LRP1B: variants seen among roughly 807,000 people sequenced by gnomAD.
The protein encoded by LRP1B is LDL receptor related protein 1B, also known as low-density lipoprotein receptor-related protein 1B.
In LRP1B, 217 loss-of-function variants were observed where a neutral mutation model predicts 556.6. The ratio of observed to expected loss-of-function variants is 0.39; its 90% CI spans 0.35 to 0.44. The LOEUF is 0.44. Among genes scored for constraint, LRP1B ranks in the 20% least tolerant of loss-of-function variants. The pLI is 1.00. For synonymous variants in LRP1B, 2,047 were observed against 1,865.8 expected, an observed-to-expected ratio of 1.10 and a Z score of -2.50; for missense variants, 5,053 against 5,620.8, an observed-to-expected ratio of 0.90 and a Z score of 3.23.
intron 15 of LRP1B, among the ~76,000 whole-genome samples, chr2:141,000,546 G>T (rs1198643987): frequency 6.6e-6 from 1 of 151,976 alleles, no homozygotes; most frequent in African/African-American, 2.4e-5. Context: ...TCTCCTCAGG[G>T]ACTACAGACT....
At chr2:140,926,366 G>A (rs902764676) in intron 20 of LRP1B, among the ~76,000 whole-genome samples, 11 of 151,946 alleles carry the variant, frequency 7.2e-5, no homozygotes, top group Non-Finnish European at 1.0e-4. Context: ...TTTTGAGACA[G>A]GGTCTTGCTC....
At position 141,062,091 on chromosome 2, in the gene LRP1B, T is replaced by G; in HGVS notation, c.1196A>C (p.Tyr399Ser). Residue 399 changes from tyrosine (Y) to serine (S), a missense_variant, in exon 8 of 91, where the codon TAT becomes TCT. By Grantham distance (144) the Tyr-to-Ser change is moderately radical. Transcript: ENST00000389484. Reference sequence around the variant, plus strand: ...GACAGTGTGTCTATTTTTTCCTTGATAGTCCACTACTCCCACATAGTCCAA... The same window carrying G: ...GACAGTGTGTCTATTTTTTCCTTGAGAGTCCACTACTCCCACATAGTCCAA... ...LYLDYVGVVDYQGKNRHTVIQ... is the reference protein window; with the variant it reads ...LYLDYVGVVDSQGKNRHTVIQ... The G allele has an allele frequency of 6.2e-7, 1 of 1,612,018 alleles. No individual in the cohort carries two copies. The highest frequency in any genetic ancestry group is 8.5e-7 in the Non-Finnish European group (1 of 1,178,632).
chr2:140,298,929 G>A (rs925249681), intron 83 of LRP1B, among the ~76,000 whole-genome samples: 14 of 152,042 alleles, frequency 9.2e-5, no homozygotes, highest in Admixed American at 6.6e-4. Flanking sequence ...TTGCAAAAAT[G>A]TAAAGAAACA....
chr2:140,415,660 A>G (rs1573911416), intron 66 of LRP1B, among the ~76,000 whole-genome samples: 3 of 152,302 alleles, frequency 2.0e-5, no homozygotes, highest in Admixed American at 2.0e-4. Context: ...GAATGCGTCC[A>G]TTCCTCACCT....
chr2:141,963,668 C>T (rs970953956), intron 1 of LRP1B, among the ~76,000 whole-genome samples: 5 of 150,496 alleles, frequency 3.3e-5, no homozygotes, highest in Admixed American at 1.3e-4. Flanking sequence ...GAAGCATTCC[C>T]TTTGAAAACT....
intron 1 of LRP1B, among the ~76,000 whole-genome samples, chr2:142,045,163 CAAAA>C (rs1704212754): frequency 1.4e-5 from 2 of 146,352 alleles, no homozygotes; most frequent in African/African-American, 5.0e-5. Context: ...AAAACAACAA[CAAAA>C]AAGGAAATGA....
chr2:141,900,719 A>G (rs547805702), intron 1 of LRP1B, among the ~76,000 whole-genome samples: 3 of 152,190 alleles, frequency 2.0e-5, no homozygotes, highest in African/African-American at 7.2e-5. Context: ...TTTTTTACAT[A>G]TAAATATATT....
At chr2:141,900,680 T>G (rs1182602774) in intron 1 of LRP1B, among the ~76,000 whole-genome samples, 1 of 151,984 alleles carries the variant, frequency 6.6e-6, no homozygotes, top group Non-Finnish European at 1.5e-5. Flanking sequence ...CCAAAATCAC[T>G]TAGCAAATTA....
At chr2:141,798,591 C>T (rs1021758928) in intron 2 of LRP1B, among the ~76,000 whole-genome samples, 15 of 150,234 alleles carry the variant, frequency 1.0e-4, no homozygotes, top group African/African-American at 3.7e-4. Context: ...CCTGTAGTCC[C>T]AGCTACTCGG....
chr2:141,362,464 G>T (rs1688859669), intron 3 of LRP1B, among the ~76,000 whole-genome samples: 1 of 152,204 alleles, frequency 6.6e-6, no homozygotes, highest in South Asian at 2.1e-4. Flanking sequence ...CAGCGCAGAA[G>T]AAAGGAAACT....
intron 60 of LRP1B, among the ~76,000 whole-genome samples, chr2:140,468,270 T>C (rs1427235846): frequency 6.6e-6 from 1 of 152,166 alleles, no homozygotes; most frequent in Non-Finnish European, 1.5e-5. Flanking sequence ...TTGGTGAGGT[T>C]CACATACTGC....
chr2:142,088,083 A>T (rs1706013891), intron 1 of LRP1B, among the ~76,000 whole-genome samples: 1 of 152,132 alleles, frequency 6.6e-6, no homozygotes, highest in Non-Finnish European at 1.5e-5. Context: ...TTTGACACTT[A>T]ATTTTTTAAT....
At chr2:140,869,657 T>G (rs542612025) in intron 25 of LRP1B, among the ~76,000 whole-genome samples, 1 of 152,090 alleles carries the variant, frequency 6.6e-6, no homozygotes, top group South Asian at 2.1e-4. Context: ...AAATATAATT[T>G]GAAGGTAGAA....
intron 52 of LRP1B, among the ~76,000 whole-genome samples, chr2:140,508,061 A>C (rs1689495616): frequency 6.6e-6 from 1 of 152,174 alleles, no homozygotes; most frequent in Non-Finnish European, 1.5e-5. Context: ...TCCTCAAAAC[A>C]GTTCACTACA....
At chr2:141,729,957 G>T (rs1043656442) in intron 2 of LRP1B, among the ~76,000 whole-genome samples, 1 of 152,122 alleles carries the variant, frequency 6.6e-6, no homozygotes, top group African/African-American at 2.4e-5. Context: ...AAGCAGAAAG[G>T]TCTGGTTGAG....
At chr2:140,344,097 A>C (rs912470117) in intron 77 of LRP1B, among the ~76,000 whole-genome samples, 5 of 151,800 alleles carry the variant, frequency 3.3e-5, no homozygotes, top group African/African-American at 1.2e-4. Context: ...ATTATAGCTT[A>C]AGCTTCTAAA....
chr2:141,229,091 A>C, intron 6 of LRP1B, 92 bp downstream of exon 6: 2 of 1,283,036 alleles, frequency 1.6e-6, no homozygotes, highest in Non-Finnish European at 2.2e-6. Flanking sequence ...TCCAACAGCC[A>C]TGAGCTATGC....
chr2:141,544,304 C>CTTCTTCTTCTTCTTCTTCTTCTTCTT (rs1432964761), intron 2 of LRP1B, among the ~76,000 whole-genome samples: 2,613 of 8,948 alleles, frequency 0.29, 694 homozygotes, highest in Admixed American at 0.39. Flanking sequence ...CACTCTTCTT[C>CTTCTTCTTCTTCTTCTTCTTCTTCTT]TTCTTCTTCT....
intron 1 of LRP1B, among the ~76,000 whole-genome samples, chr2:142,045,661 G>A (rs566925909): frequency 1.1e-4 from 17 of 151,604 alleles, no homozygotes; most frequent in African/African-American, 2.2e-4. Flanking sequence ...ATATTTAATC[G>A]GTCATGCGTA....
Sources: gnomAD v4.1 joint callset for allele counts (sites outside exome capture counted in the v4.1 genomes callset) on GRCh38, gnomAD v4.1.1 for gene constraint, MANE v1.5 for transcripts, NCBI Gene and HGNC (gene_info 2026-07-23, HGNC 2026-07-21) for gene names.